TMTC1: variants seen among roughly 807,000 people sequenced by gnomAD.
TMTC1 encodes the protein protein O-mannosyl-transferase TMTC1.
TMTC1 carries 73 observed loss-of-function variants against 104.8 expected under a neutral mutation model. That is an observed-to-expected ratio of 0.70 (90% CI 0.58 to 0.85). The LOEUF (loss-of-function observed/expected upper bound fraction) is 0.85. TMTC1 is among the 40% of genes least tolerant of loss of function. The pLI is 0.00. For synonymous variants in TMTC1, 434 were observed against 428.7 expected (o/e 1.01, Z -0.15); for missense variants, 1,035 against 1,096.1 (o/e 0.94, Z 0.79).
intron 7 of TMTC1, among the ~76,000 whole-genome samples, chr12:29,602,055 C>T (rs961618063): frequency 4.6e-5 from 7 of 151,990 alleles, no homozygotes; most frequent in Admixed American, 2.6e-4. Context: ...AGGATGGTTT[C>T]GATCTCCTGA....
chr12:29,535,955 G>T, intron 11 of TMTC1: 1 of 449,592 alleles, frequency 2.2e-6, no homozygotes, highest in Non-Finnish European at 3.9e-6. Flanking sequence ...GTTCTTGATA[G>T]ATTCTGTACC....
chr12:29,680,516 T>C (rs1940878732), intron 5 of TMTC1, among the ~76,000 whole-genome samples: 1 of 152,242 alleles, frequency 6.6e-6, no homozygotes, highest in African/African-American at 2.4e-5. Context: ...ATTTTCTCTC[T>C]GTTCCACTAG....
intron 8 of TMTC1, among the ~76,000 whole-genome samples, chr12:29,578,044 A>C (rs898005259): frequency 6.6e-6 from 1 of 152,058 alleles, no homozygotes; most frequent in Non-Finnish European, 1.5e-5. Flanking sequence ...ATATTTATTG[A>C]AATTGATCCT....
At chr12:29,604,079 G>A (rs1446392561) in intron 7 of TMTC1, 99 bp downstream of exon 7, 2 of 1,493,958 alleles carry the variant, frequency 1.3e-6, no homozygotes, top group Non-Finnish European at 1.8e-6. Context: ...TGTCCCATGA[G>A]GATCTAATGG....
At chr12:29,546,723 T>C (rs1944952066) in intron 10 of TMTC1, among the ~76,000 whole-genome samples, 1 of 152,130 alleles carries the variant, frequency 6.6e-6, no homozygotes, top group South Asian at 2.1e-4. Flanking sequence ...TTTCAATGAT[T>C]ATCCACATTT....
At chr12:29,521,570 T>C (rs545259604) in intron 11 of TMTC1, among the ~76,000 whole-genome samples, 4 of 147,812 alleles carry the variant, frequency 2.7e-5, no homozygotes, top group Admixed American at 6.7e-5. Context: ...TTCTTTCTTT[T>C]TTTTTTTTTT....
At position 29,744,882 on chromosome 12, in the gene TMTC1, A is replaced by G. The variant is rs59413437; in HGVS notation, c.938+6784T>C. Among the ~76,000 whole-genome samples the G allele has an allele frequency of 9.0e-3, 1,372 of 152,290 alleles. 16 individuals are homozygous for G. Among genetic ancestry groups the G allele is most frequent in the African/African-American group, 0.032 (1,320 of 41,558 alleles). ...GTTCATAATTAAAAAGCCTTTTAAC[A>G]CTAACTGACAAAGTTTATTTTTGAA... On this transcript the variant is annotated intron_variant, in intron 5 of 17. Transcript: ENST00000539277.
chr12:29,715,308 A>C (rs1425303497), intron 5 of TMTC1, among the ~76,000 whole-genome samples: 1 of 151,996 alleles, frequency 6.6e-6, no homozygotes, highest in Non-Finnish European at 1.5e-5. Flanking sequence ...CTATAACAAG[A>C]CTCTATTCTC....
chr12:29,619,241 T>G (rs11050319), intron 6 of TMTC1, among the ~76,000 whole-genome samples: 35,735 of 152,084 alleles, frequency 0.23, 4,786 homozygotes, highest in East Asian at 0.32. Flanking sequence ...CTTGTAAAAA[T>G]GTAATTGCCT....
chr12:29,753,361 G>A (rs747172179), intron 4 of TMTC1, among the ~76,000 whole-genome samples: 11 of 152,164 alleles, frequency 7.2e-5, no homozygotes, highest in South Asian at 6.2e-4. Context: ...AGCAGCAGAC[G>A]TCCTGCGAGG....
chr12:29,730,039 C>T (rs551498206), intron 5 of TMTC1, among the ~76,000 whole-genome samples: 17 of 152,226 alleles, frequency 1.1e-4, no homozygotes, highest in African/African-American at 4.1e-4. Flanking sequence ...CCAACGAGAA[C>T]AAGGGATGGG....
chr12:29,685,739 C>T lies in TMTC1; in HGVS notation c.939-52403G>A, dbSNP rs560545494. On this transcript the variant is annotated intron_variant, in intron 5 of 17. Transcript: ENST00000539277. The stretch of plus-strand genomic sequence containing the variant: ...CTGAAAATTGTTTTTATGTAATTTG[C>T]TATTTATTCTGACAAAACTGACCAA... Among the ~76,000 whole-genome samples, 3 of 152,038 alleles carry T rather than the reference C, an allele frequency of 2.0e-5. No individual in the cohort carries two copies. In the South Asian group the frequency reaches 6.2e-4, roughly 32 times the overall value.
chr12:29,660,821 T>C (rs1262091400), intron 5 of TMTC1: 3 of 1,479,756 alleles, frequency 2.0e-6, no homozygotes, highest in Non-Finnish European at 2.7e-6. Context: ...AGGACCAAAA[T>C]GGCCCTTTTT....
chr12:29,759,074 C>T (rs113853946), intron 2 of TMTC1, among the ~76,000 whole-genome samples: 2,303 of 152,278 alleles, frequency 0.015, 64 homozygotes, highest in African/African-American at 0.052. Context: ...CATGTATTAA[C>T]TTATTCAAAA....
chr12:29,715,239 C>A (rs1417087279), intron 5 of TMTC1, among the ~76,000 whole-genome samples: 2 of 152,050 alleles, frequency 1.3e-5, no homozygotes, highest in African/African-American at 2.4e-5. Flanking sequence ...TTATGAAAGA[C>A]CAATGAGTCA....
At chr12:29,699,075 C>T (rs1348255738) in intron 5 of TMTC1, among the ~76,000 whole-genome samples, 3 of 152,092 alleles carry the variant, frequency 2.0e-5, no homozygotes, top group South Asian at 2.1e-4. Flanking sequence ...TTATGGACCC[C>T]CCAAGATGTT....
At chr12:29,554,840 G>A (rs1439447409) in intron 10 of TMTC1, among the ~76,000 whole-genome samples, 1 of 152,154 alleles carries the variant, frequency 6.6e-6, no homozygotes, top group African/African-American at 2.4e-5. Context: ...GCAAGACTCT[G>A]TCTCAAATAT....
At chr12:29,522,806 C>G (rs754899315) in intron 11 of TMTC1, among the ~76,000 whole-genome samples, 8 of 152,152 alleles carry the variant, frequency 5.3e-5, no homozygotes, top group Admixed American at 3.9e-4. Context: ...CCTTTCTTAC[C>G]CACCATGTGC....
intron 5 of TMTC1, among the ~76,000 whole-genome samples, chr12:29,741,318 T>G (rs1942818635): frequency 6.6e-6 from 1 of 152,216 alleles, no homozygotes; most frequent in Admixed American, 6.5e-5. Flanking sequence ...GTATCTCATT[T>G]TAGGATCAAC....
Sources: gnomAD v4.1 joint callset for allele counts (sites outside exome capture counted in the v4.1 genomes callset) on GRCh38, gnomAD v4.1.1 for gene constraint, MANE v1.5 for transcripts, NCBI Gene and HGNC (gene_info 2026-07-23, HGNC 2026-07-21) for gene names.